Variants in ACTR3 observed in about 807,000 individuals in gnomAD.
ACTR3 encodes actin related protein 3.
A neutral mutation model predicts 56.8 loss-of-function variants in ACTR3; 12 were observed. That is an observed-to-expected ratio of 0.21 (90% CI 0.14 to 0.34). The LOEUF is 0.34. Ranked by LOEUF, ACTR3 falls within the 10% of genes least tolerant of loss-of-function variation. The pLI is 1.00. For missense variants in ACTR3, 282 were observed against 512.5 expected (o/e 0.55, Z 4.34); for synonymous variants, 162 against 167.4 (o/e 0.97, Z 0.25).
Position 113,890,338 on chromosome 2 carries a change from G to A in ACTR3, c.44+15G>A. The A allele has an allele frequency of 5.3e-6, 8 of 1,505,280 alleles. No individual in the cohort carries two copies. Among genetic ancestry groups the A allele is most frequent in the Non-Finnish European group, 7.2e-6 (8 of 1,115,098 alleles). 93.2% of individuals were successfully genotyped at this position (1,505,280 alleles called of 1,614,324 possible). A position where few individuals can be genotyped will look rare whatever the true frequency, so the allele number is the denominator to read the frequency against. On this transcript the variant is annotated intron_variant, in intron 1 of 11. Transcript: ENST00000263238. ...TGTGGCACGGGGTAAGGGGGCTTAC[G>A]GGCGGGGGTGGGGAAACTGAGGCGG...
At chr2:113,895,059 T>TCTCCC (rs1559452825) in intron 1 of ACTR3, among the ~76,000 whole-genome samples, 1 of 111,372 alleles carries the variant, frequency 9.0e-6, no homozygotes, top group African/African-American at 3.4e-5. Context: ...TGGTTTAGGT[T>TCTCCC]CCCCCCCCCC....
At chr2:113,936,497 C>T (rs1374174475) in intron 6 of ACTR3, among the ~76,000 whole-genome samples, 1 of 152,088 alleles carries the variant, frequency 6.6e-6, no homozygotes, top group Non-Finnish European at 1.5e-5. Flanking sequence ...TAGTAAACAT[C>T]TTTAACTTAC....
chr2:113,903,470 A>G (rs1679137731), intron 1 of ACTR3, among the ~76,000 whole-genome samples: 1 of 151,380 alleles, frequency 6.6e-6, no homozygotes, highest in African/African-American at 2.4e-5. Context: ...AGGTTCAGCA[A>G]TTCTTGTGCC....
At position 113,959,997 on chromosome 2, in the gene ACTR3, A is replaced by C. The variant is rs1680297260; in HGVS notation, c.*2542A>C. Reference sequence around the variant, plus strand: ...AGGCATTATACTGGATTATCCTGCAATTTCTTTGAGTTGTTAGAATATAAT... The same window carrying C: ...AGGCATTATACTGGATTATCCTGCACTTTCTTTGAGTTGTTAGAATATAAT... On this transcript the variant is annotated 3_prime_UTR_variant, in exon 12 of 12. Coordinates refer to ENST00000263238, the MANE Select transcript of ACTR3 (RefSeq NM_005721.5). 1 of 152,040 alleles carries C rather than the reference A, an allele frequency of 6.6e-6. No individual in the cohort carries two copies. The highest frequency in any genetic ancestry group is 2.4e-5 in the African/African-American group (1 of 41,444). The allele number at this position is 152,040 out of a possible 1,614,324, so 9.4% of individuals were successfully genotyped here.
chr2:113,941,443 C>T (rs1041556505), intron 7 of ACTR3, among the ~76,000 whole-genome samples: 10 of 152,050 alleles, frequency 6.6e-5, no homozygotes, highest in South Asian at 6.2e-4. Flanking sequence ...CAAATGTCTT[C>T]GGATTCCAGT....
rs772602736 is a variant in ACTR3 at position 113,957,461 on chromosome 2, G to C, written c.*6G>C. Reference sequence around the variant, plus strand: ...TGTTTGGAGTCATGTCGTAAAATTGGCTTCATAGTTATTGGGGTTAGGGAG... The same window carrying C: ...TGTTTGGAGTCATGTCGTAAAATTGCCTTCATAGTTATTGGGGTTAGGGAG... On this transcript the variant is annotated 3_prime_UTR_variant, in exon 12 of 12. Transcript: ENST00000263238. The C allele has an allele frequency of 6.2e-7, 1 of 1,610,350 alleles. No individual in the cohort carries two copies.
Position 113,957,774 on chromosome 2 carries a change from A to G in ACTR3, c.*319A>G. On this transcript the variant is annotated 3_prime_UTR_variant, in exon 12 of 12. Transcript: ENST00000263238. ...TTCGATGGGATTTATCAGTGTGTAG[A>G]TAGCTCTATAATGCTTGAATTGTAC... is the stretch of plus-strand genomic sequence containing the variant. The G allele has an allele frequency of 4.1e-6, 1 of 242,736 alleles. No individual in the cohort carries two copies. Among genetic ancestry groups the G allele is most frequent in the South Asian group, 8.3e-5 (1 of 12,086 alleles). 15.0% of individuals were successfully genotyped at this position (242,736 alleles called of 1,614,324 possible). A position where few individuals can be genotyped will look rare whatever the true frequency, so the allele number is the denominator to read the frequency against.
intron 6 of ACTR3, among the ~76,000 whole-genome samples, chr2:113,934,856 C>T (rs1559480524): frequency 6.6e-6 from 1 of 152,068 alleles, no homozygotes; most frequent in Non-Finnish European, 1.5e-5. Context: ...CTTCCAAGGC[C>T]GTTGTGCTTC....
intron 1 of ACTR3, among the ~76,000 whole-genome samples, chr2:113,907,725 C>T (rs554401322): frequency 4.5e-4 from 68 of 152,132 alleles, no homozygotes; most frequent in Non-Finnish European, 6.9e-4. Flanking sequence ...GTAATCCCAG[C>T]ACTTTGAGAG....
intron 1 of ACTR3, among the ~76,000 whole-genome samples, chr2:113,908,754 A>C (rs1679250057): frequency 6.6e-6 from 1 of 151,936 alleles, no homozygotes; most frequent in Non-Finnish European, 1.5e-5. Context: ...GGTTTTAAAG[A>C]GTGATTTTTT....
intron 6 of ACTR3, 39 bp downstream of exon 6, chr2:113,934,425 A>G (rs1245249530): frequency 2.4e-6 from 3 of 1,260,436 alleles, no homozygotes; most frequent in Non-Finnish European, 3.3e-6. Flanking sequence ...AACATGAAAT[A>G]ACACATCTGG....
At chr2:113,939,822 A>T in intron 6 of ACTR3, 137 bp from the exon 7 acceptor site, 1 of 613,864 alleles carries the variant, frequency 1.6e-6, no homozygotes, top group South Asian at 4.3e-5. Flanking sequence ...GAATAAAGGT[A>T]AGTTCTGAGA....
chr2:113,925,023 A>C (rs1679590481), intron 3 of ACTR3, among the ~76,000 whole-genome samples: 1 of 151,314 alleles, frequency 6.6e-6, no homozygotes, highest in South Asian at 2.1e-4. Flanking sequence ...CAGCCTCCCC[A>C]GTAGCTGGGA....
At chr2:113,939,258 G>A (rs1421844667) in intron 6 of ACTR3, among the ~76,000 whole-genome samples, 5 of 152,108 alleles carry the variant, frequency 3.3e-5, no homozygotes, top group East Asian at 1.9e-4. Context: ...TCCTGACCTC[G>A]TGATCCGCCC....
At chr2:113,890,675 C>A in intron 1 of ACTR3, 1 of 1,173,386 alleles carries the variant, frequency 8.5e-7, no homozygotes, top group Non-Finnish European at 1.1e-6. Context: ...ACCCATCCGG[C>A]TTTCCTTTCC....
In ACTR3 at chr2:113,940,036, A is replaced by G; in HGVS notation, c.618A>G (p.Gln206=). 6.2e-7 allele frequency: 1 copy of G among 1,613,086 alleles called. No homozygotes were observed. Among genetic ancestry groups the G allele is most frequent in the South Asian group, 1.1e-5 (1 of 91,004 alleles). The change falls in exon 7 of 12, where the codon CAA becomes CAG. Residue 206 remains glutamine, a synonymous_variant. Coordinates refer to ENST00000263238, the MANE Select transcript of ACTR3 (RefSeq NM_005721.5). ...GAGATATAACATATTTTATTCAGCAACTGCTGAGAGACCGAGAAGTAGGAA... is the reference window on the plus strand; with the variant it reads ...GAGATATAACATATTTTATTCAGCAGCTGCTGAGAGACCGAGAAGTAGGAA... ...AGRDITYFIQ[Q]LLRDREVGIP...
intron 8 of ACTR3, among the ~76,000 whole-genome samples, chr2:113,945,445 G>C (rs1056243356): frequency 3.9e-5 from 6 of 152,052 alleles, no homozygotes; most frequent in African/African-American, 1.4e-4. Flanking sequence ...TTTCAGATTA[G>C]TTCTTTCTAG....
chr2:113,910,746 A>AG (rs961488522), intron 1 of ACTR3, among the ~76,000 whole-genome samples: 1 of 152,214 alleles, frequency 6.6e-6, no homozygotes, highest in African/African-American at 2.4e-5. Context: ...GTGTAAGCAG[A>AG]GGAAAAAACA....
chr2:113,942,440 GA>G (rs1352000440), intron 8 of ACTR3, 81 bp downstream of exon 8: 2 of 993,654 alleles, frequency 2.0e-6, no homozygotes, highest in African/African-American at 1.7e-5. Flanking sequence ...ATTAATCTCA[GA>G]AACTTTTATT....
Sources: gnomAD v4.1 joint callset for allele counts (sites outside exome capture counted in the v4.1 genomes callset) on GRCh38, gnomAD v4.1.1 for gene constraint, MANE v1.5 for transcripts, NCBI Gene and HGNC (gene_info 2026-07-23, HGNC 2026-07-21) for gene names.